Variants in SORCS2 observed in about 807,000 individuals in gnomAD.
SORCS2 encodes the protein sortilin related VPS10 domain containing receptor 2.
SORCS2 carries 100 observed loss-of-function variants against 141.6 expected under a neutral mutation model. The ratio of observed to expected loss-of-function variants is 0.71; its 90% CI spans 0.60 to 0.83. The LOEUF (loss-of-function observed/expected upper bound fraction) is 0.83, where lower values mean the gene tolerates loss of function less well. Among genes scored for constraint, SORCS2 ranks in the 40% least tolerant of loss-of-function variants. The probability of loss-of-function intolerance (pLI) is 0.00; values close to 1 mark genes in which losing one functional copy is unlikely to be tolerated. For missense variants in SORCS2, 1,646 were observed against 1,560.2 expected, an observed-to-expected ratio of 1.05 and a Z score of -0.93; for synonymous variants, 789 against 676.9, an observed-to-expected ratio of 1.17 and a Z score of -2.57.
chr4:7,312,705 G>A (rs1341182822), intron 1 of SORCS2, among the ~76,000 whole-genome samples: 1 of 152,232 alleles, frequency 6.6e-6, no homozygotes, highest in East Asian at 1.9e-4. Flanking sequence ...TGTGTGCCAG[G>A]TACGTTGCAG....
In SORCS2 at chr4:7,662,245, A is replaced by G. The variant is rs1041600433; in HGVS notation, c.952+681A>G. ...ACCCTCCCCCCCCTCCCCCACCCCC[A>G]CCCTGCCACACTTGGGCAGGCGGGG... On this transcript the variant is annotated intron_variant, in intron 6 of 26. Transcript: ENST00000507866. Among the ~76,000 whole-genome samples the G allele has an allele frequency of 4.5e-4, 28 of 62,248 alleles. 1 individual carries two copies. Among genetic ancestry groups the G allele is most frequent in the African/African-American group, 1.6e-3 (28 of 17,494 alleles). The allele number at this position is 62,248 out of a possible 152,430, so 40.8% of individuals were successfully genotyped here. A position where few individuals can be genotyped will look rare whatever the true frequency, so the allele number is the denominator to read the frequency against.
In SORCS2 at chr4:7,737,166, G is replaced by A. The variant is rs1400371486; in HGVS notation, c.3409G>A (p.Val1137Ile). 3 of 1,551,280 alleles carry A rather than the reference G, an allele frequency of 1.9e-6. No individual in the cohort carries two copies. Among genetic ancestry groups the A allele is most frequent in the Non-Finnish European group, 2.6e-6 (3 of 1,146,922 alleles). ...TCACAGTGAGGACGTCCAGGGCGCT[G>A]TCCAGGGTGAGGAGTTTATAGATGA... is the stretch of plus-strand genomic sequence containing the variant. ...VSHSEDVQGA[V>I]QGNHSGVVLS... is the part of the protein sequence containing the mutation. The change falls in exon 26 of 27, where the codon GTC becomes ATC. Residue 1137 changes from valine to isoleucine, a missense_variant. Val to Ile is a conservative substitution (Grantham distance 29). Coordinates refer to ENST00000507866, the MANE Select transcript of SORCS2 (RefSeq NM_020777.3).
chr4:7,582,507 A>G (rs1392914960), intron 3 of SORCS2, among the ~76,000 whole-genome samples: 1 of 152,182 alleles, frequency 6.6e-6, no homozygotes, highest in Non-Finnish European at 1.5e-5. Context: ...CCATCATGCA[A>G]TGCACATTCG....
chr4:7,390,900 C>A, intron 1 of SORCS2, among the ~76,000 whole-genome samples: 1 of 152,192 alleles, frequency 6.6e-6, no homozygotes, highest in Non-Finnish European at 1.5e-5. Flanking sequence ...TGGAAGGGAG[C>A]AACTCCTCCA....
At chr4:7,391,133 C>A (rs1033191106) in intron 1 of SORCS2, among the ~76,000 whole-genome samples, 4 of 152,150 alleles carry the variant, frequency 2.6e-5, no homozygotes, top group African/African-American at 9.7e-5. Flanking sequence ...TGCATCACAC[C>A]CTCTTTGTTT....
intron 1 of SORCS2, among the ~76,000 whole-genome samples, chr4:7,355,295 AC>A (rs1330744619): frequency 6.6e-6 from 1 of 151,584 alleles, no homozygotes. Flanking sequence ...ATGGCATCCC[AC>A]CCCGCCCCAC....
chr4:7,418,517 C>G (rs556105795), intron 2 of SORCS2, among the ~76,000 whole-genome samples: 17 of 152,230 alleles, frequency 1.1e-4, no homozygotes, highest in African/African-American at 4.1e-4. Context: ...GTTGGCAGGG[C>G]GCAGGACTGT....
chr4:7,600,432 C>T (rs190741556), intron 3 of SORCS2, among the ~76,000 whole-genome samples: 34 of 152,226 alleles, frequency 2.2e-4, no homozygotes, highest in Admixed American at 2.2e-3. Flanking sequence ...TCAGAAACAG[C>T]ACCGTCCCCA....
intron 1 of SORCS2, among the ~76,000 whole-genome samples, chr4:7,390,730 C>T (rs1242652113): frequency 1.3e-5 from 2 of 152,164 alleles, no homozygotes; most frequent in Non-Finnish European, 2.9e-5. Flanking sequence ...GAACAGCTGA[C>T]CTCGTTCCTG....
At chr4:7,436,003 A>G (rs1489517909) in intron 2 of SORCS2, among the ~76,000 whole-genome samples, 2 of 152,248 alleles carry the variant, frequency 1.3e-5, no homozygotes, top group African/African-American at 4.8e-5. Flanking sequence ...CTGAAATTGC[A>G]ACAGCCACAC....
At chr4:7,349,021 T>C (rs1720792930) in intron 1 of SORCS2, among the ~76,000 whole-genome samples, 1 of 152,174 alleles carries the variant, frequency 6.6e-6, no homozygotes, top group Admixed American at 6.5e-5. Context: ...CTGGCTTCCA[T>C]ACACTTATTT....
chr4:7,220,849 C>G (rs773603592), intron 1 of SORCS2, among the ~76,000 whole-genome samples: 4 of 152,140 alleles, frequency 2.6e-5, no homozygotes, highest in Non-Finnish European at 5.9e-5. Context: ...ATTTCCAGCA[C>G]ACCCCACGTT....
At position 7,715,461 on chromosome 4, in the gene SORCS2, C is replaced by G. The variant is rs1363311264; in HGVS notation, c.2252+150C>G. 3.3e-6 allele frequency: 4 copies of G among 1,194,188 alleles called. No individual in the cohort carries two copies. The Admixed American group carries it at 7.4e-5, about 22-fold the overall frequency. 74.0% of individuals were successfully genotyped at this position (1,194,188 alleles called of 1,614,324 possible). ...AGGTCAAAGTTGAGGATGCCCCACG[C>G]TCACAGCACAGAGCCTGGCTGCGGT... On this transcript the variant is annotated intron_variant, in intron 17 of 26. Transcript: ENST00000507866.
At chr4:7,461,936 GCTT>G (rs1729339724) in intron 2 of SORCS2, among the ~76,000 whole-genome samples, 5 of 132,466 alleles carry the variant, frequency 3.8e-5, no homozygotes, top group African/African-American at 1.5e-4. Flanking sequence ...TGTCCTGCAG[GCTT>G]CAGTGCCTCT....
chr4:7,365,658 C>T (rs1721836755), intron 1 of SORCS2, among the ~76,000 whole-genome samples: 1 of 152,186 alleles, frequency 6.6e-6, no homozygotes, highest in Non-Finnish European at 1.5e-5. Flanking sequence ...CAGCTGCTGA[C>T]ACTCAGGGTT....
At chr4:7,520,356 G>A (rs1432709225) in intron 2 of SORCS2, among the ~76,000 whole-genome samples, 2 of 152,244 alleles carry the variant, frequency 1.3e-5, no homozygotes, top group East Asian at 3.8e-4. Flanking sequence ...TTGGCGAAGA[G>A]TAAATTGAGG....
At chr4:7,522,411 C>T (rs11931772) in intron 2 of SORCS2, among the ~76,000 whole-genome samples, 3,039 of 152,294 alleles carry the variant, frequency 0.02, 110 homozygotes, top group African/African-American at 0.07. Context: ...TCTATTTGCC[C>T]GTTTTTAGAC....
chr4:7,401,222 G>A (rs1577503689), intron 2 of SORCS2, among the ~76,000 whole-genome samples: 1 of 151,954 alleles, frequency 6.6e-6, no homozygotes, highest in African/African-American at 2.4e-5. Flanking sequence ...TGGGTGGGTG[G>A]ATGGATGGAT....
intron 2 of SORCS2, among the ~76,000 whole-genome samples, chr4:7,453,808 G>T (rs1728666065): frequency 7.7e-6 from 1 of 130,478 alleles, no homozygotes; most frequent in African/African-American, 3.0e-5. Flanking sequence ...GTGTGTTAGG[G>T]TCAGGTGCTG....
Sources: gnomAD v4.1 joint callset for allele counts (sites outside exome capture counted in the v4.1 genomes callset) on GRCh38, gnomAD v4.1.1 for gene constraint, MANE v1.5 for transcripts, NCBI Gene and HGNC (gene_info 2026-07-23, HGNC 2026-07-21) for gene names.